Variants in CERS1 observed in about 807,000 individuals in gnomAD.
CERS1 encodes ceramide synthase 1.
CERS1 carries 16 observed loss-of-function variants against 35.7 expected under a neutral mutation model. That is an observed-to-expected ratio of 0.45 (90% CI 0.30 to 0.68). The LOEUF (loss-of-function observed/expected upper bound fraction) is 0.68. CERS1 is among the 30% of genes least tolerant of loss of function. CERS1 has a pLI of 0.08. For missense variants in CERS1, 454 were observed against 453.9 expected, an observed-to-expected ratio of 1.00 and a Z score of 0.00; for synonymous variants, 243 against 201.6, an observed-to-expected ratio of 1.21 and a Z score of -1.74.
chr19:18,870,029 C>A lies in CERS1; in HGVS notation c.*548G>T. The A allele has an allele frequency of 6.3e-7, 1 of 1,597,636 alleles. No individual in the cohort carries two copies. The highest frequency in any genetic ancestry group is 8.5e-7 in the Non-Finnish European group (1 of 1,174,528). On this transcript the variant is annotated 3_prime_UTR_variant, in exon 7 of 8. Coordinates refer to ENST00000623882, the MANE Select transcript of CERS1 (RefSeq NM_021267.5). The surrounding 1 kb of genome is among the most constrained non-coding windows in gnomAD (Gnocchi z 5.1). ...CGATGTTTCCGGCGACCCCCAGCTC[C>A]TCCACGTGGCACGGTTGCAGGGTGA...
intron 2 of CERS1, among the ~76,000 whole-genome samples, chr19:18,885,553 T>C: frequency 6.8e-6 from 1 of 146,124 alleles, no homozygotes; most frequent in Non-Finnish European, 1.5e-5. Flanking sequence ...GGAGTCTTGC[T>C]CTGTAGCCCA....
chr19:18,879,825 C>G (rs1174155298), intron 4 of CERS1, among the ~76,000 whole-genome samples: 4 of 150,194 alleles, frequency 2.7e-5, no homozygotes, highest in African/African-American at 9.8e-5. Context: ...ACCAAGCCCC[C>G]ACCTCCTTCC....
In CERS1 at chr19:18,869,181, C is replaced by T. The variant is rs1324308734; in HGVS notation, c.*804G>A. 1.0e-5 allele frequency: 12 copies of T among 1,164,982 alleles called. No homozygotes were observed. The East Asian group carries it at 3.2e-4, about 31-fold the overall frequency. The allele number at this position is 1,164,982 out of a possible 1,614,324, so 72.2% of individuals were successfully genotyped here. The stretch of plus-strand genomic sequence containing the variant: ...ACCAACTGGCGGAGCAGCACCGGCC[C>T]GGGGTCCGCGCCCGCGCCCTGGCCC... On this transcript the variant is annotated 3_prime_UTR_variant, in exon 8 of 8. Transcript: ENST00000623882.
chr19:18,896,324 G>A (rs2056626514), upstream of CERS1, among the ~76,000 whole-genome samples: 1 of 150,940 alleles, frequency 6.6e-6, no homozygotes, highest in South Asian at 2.1e-4. The surrounding 1 kb of genome is among the most constrained non-coding windows in gnomAD (Gnocchi z 5.9). Flanking sequence ...CAGGCGCGGG[G>A]GCCGGAGCTG....
chr19:18,894,019 A>C (rs2056563202), intron 1 of CERS1, among the ~76,000 whole-genome samples: 2 of 149,958 alleles, frequency 1.3e-5, no homozygotes, highest in Admixed American at 1.3e-4. Flanking sequence ...CTTGTGAGGA[A>C]GCCGCCCCCT....
intron 2 of CERS1, among the ~76,000 whole-genome samples, chr19:18,891,523 C>G (rs2056490697): frequency 6.6e-6 from 1 of 151,580 alleles, no homozygotes; most frequent in Non-Finnish European, 1.5e-5. Flanking sequence ...CCACCCGGAG[C>G]TCAGGCCACA....
intron 1 of CERS1, 68 bp from the exon 2 acceptor site, chr19:18,893,643 G>A: frequency 6.7e-7 from 1 of 1,491,986 alleles, no homozygotes; most frequent in Non-Finnish European, 9.1e-7. Context: ...TTGGGGTGGG[G>A]AAACTGAGGC....
In CERS1 at chr19:18,870,115, G is replaced by A. The variant is rs371213478; in HGVS notation, c.*462C>T. ...TCCTGGGGGTCCCGGCGTCGAAACAGGCGCCACATGACCGGGGGAACCGGC... is the reference window on the plus strand; with the variant it reads ...TCCTGGGGGTCCCGGCGTCGAAACAAGCGCCACATGACCGGGGGAACCGGC... On this transcript the variant is annotated 3_prime_UTR_variant, in exon 7 of 8. Coordinates refer to ENST00000623882, the MANE Select transcript of CERS1 (RefSeq NM_021267.5). This position sits in a 1 kb window ranked among gnomAD's most constrained non-coding sequence, Gnocchi z 5.1. 1.1e-5 allele frequency: 18 copies of A among 1,568,136 alleles called. No individual in the cohort carries two copies. The Admixed American group carries it at 1.5e-4, about 13-fold the overall frequency.
intron 6 of CERS1, among the ~76,000 whole-genome samples, chr19:18,872,896 G>A (rs905203911): frequency 2.6e-5 from 4 of 152,278 alleles, no homozygotes; most frequent in Non-Finnish European, 5.9e-5. Flanking sequence ...TGATCCATCC[G>A]CCTCAGCCTC....
chr19:18,896,802 C>G (rs1366671029), upstream of CERS1: 1 of 152,370 alleles, frequency 6.6e-6, no homozygotes, highest in Non-Finnish European at 1.5e-5. The surrounding 1 kb of genome is among the most constrained non-coding windows in gnomAD (Gnocchi z 5.9). Flanking sequence ...GTACCCTGGG[C>G]ACTTCCCAGG....
chr19:18,888,542 A>G (rs1231110891), intron 2 of CERS1, among the ~76,000 whole-genome samples: 2 of 150,126 alleles, frequency 1.3e-5, no homozygotes, highest in Non-Finnish European at 3.0e-5. Flanking sequence ...AAAAAAAAAA[A>G]AAAACAGGCT....
chr19:18,882,603 C>A (rs1029787160), intron 3 of CERS1, among the ~76,000 whole-genome samples: 1 of 151,498 alleles, frequency 6.6e-6, no homozygotes, highest in African/African-American at 2.4e-5. Context: ...TGGCACTGCA[C>A]TCCAGCCTGG....
At chr19:18,891,772 T>C (rs1292242040) in intron 2 of CERS1, among the ~76,000 whole-genome samples, 1 of 151,598 alleles carries the variant, frequency 6.6e-6, no homozygotes, top group East Asian at 1.9e-4. Flanking sequence ...GGTCTTACCA[T>C]GTTGCCCCAG....
At position 18,883,935 on chromosome 19, in the gene CERS1, G is replaced by A. The variant is rs188673012; in HGVS notation, c.590+152C>T. On this transcript the variant is annotated intron_variant, in intron 3 of 7. Coordinates refer to ENST00000623882, the MANE Select transcript of CERS1 (RefSeq NM_021267.5). ...CTTCCTGCCTCTGGTCTGTCCCCTCGTCGGACCCCTGAGCACTCTGACCTT... is the reference window on the plus strand; with the variant it reads ...CTTCCTGCCTCTGGTCTGTCCCCTCATCGGACCCCTGAGCACTCTGACCTT... Among the ~76,000 whole-genome samples, 4 of 152,146 alleles carry A rather than the reference G, an allele frequency of 2.6e-5. 1 individual carries two copies. Among genetic ancestry groups the A allele is most frequent in the African/African-American group, 7.2e-5 (3 of 41,502 alleles).
chr19:18,877,954 A>G, intron 6 of CERS1: 1 of 984,320 alleles, frequency 1.0e-6, no homozygotes. Context: ...ATCTACACCC[A>G]AGGCGAATCT....
Position 18,895,877 on chromosome 19 carries a change from C to G in CERS1, c.196G>C (p.Gly66Arg). The change falls in exon 1 of 8, where the codon GGC becomes CGC. Residue 66 changes from glycine to arginine, a missense_variant. Transcript: ENST00000623882. The surrounding 1 kb of genome is among the most constrained non-coding windows in gnomAD (Gnocchi z 6.4). ...APPELLLLAL[G>R]ALGWTALRSA... ...CGCAGGGCGGTCCAGCCCAGCGCGC[C>G]GAGCGCCAGCAGCAGCAGCTCGGGC... 1 of 1,281,994 alleles carries G rather than the reference C, an allele frequency of 7.8e-7. No homozygotes were observed. Among genetic ancestry groups the G allele is most frequent in the Non-Finnish European group, 9.8e-7 (1 of 1,015,494 alleles). The allele number at this position is 1,281,994 out of a possible 1,614,324, so 79.4% of individuals were successfully genotyped here. A position where few individuals can be genotyped will look rare whatever the true frequency, so the allele number is the denominator to read the frequency against.
chr19:18,891,593 C>T (rs1179345548), intron 2 of CERS1, among the ~76,000 whole-genome samples: 1 of 152,056 alleles, frequency 6.6e-6, no homozygotes, highest in Non-Finnish European at 1.5e-5. Flanking sequence ...CACCCCCAAC[C>T]CCCAGGCAGG....
chr19:18,870,358 G>A lies in CERS1; in HGVS notation c.*219C>T. ...GTGCGCAGGGTCCGCGGCGGCCCGGGACCAGTGGGCTGAGGGCGGGGCCGG... is the reference window on the plus strand; with the variant it reads ...GTGCGCAGGGTCCGCGGCGGCCCGGAACCAGTGGGCTGAGGGCGGGGCCGG... On this transcript the variant is annotated 3_prime_UTR_variant, in exon 7 of 8. Transcript: ENST00000623882. The surrounding 1 kb of genome is among the most constrained non-coding windows in gnomAD (Gnocchi z 5.1). The A allele has an allele frequency of 1.9e-6, 3 of 1,539,952 alleles. No homozygotes were observed. Among genetic ancestry groups the A allele is most frequent in the African/African-American group, 1.4e-5 (1 of 72,702 alleles).
At chr19:18,886,190 G>T (rs2056354134) in intron 2 of CERS1, among the ~76,000 whole-genome samples, 1 of 151,946 alleles carries the variant, frequency 6.6e-6, no homozygotes, top group Admixed American at 6.5e-5. Flanking sequence ...AGAGTTGCTT[G>T]AGTCCAGGAG....
Sources: allele counts gnomAD v4.1 joint callset (sites outside exome capture counted in the v4.1 genomes callset), GRCh38; gene constraint gnomAD v4.1.1; non-coding constraint Gnocchi (gnomAD v3.1); transcripts MANE v1.5; gene names NCBI Gene and HGNC (gene_info 2026-07-23, HGNC 2026-07-21).